STAG1: variants seen among roughly 807,000 people sequenced by gnomAD.
STAG1 encodes STAG1 cohesin complex component, also known as cohesin subunit SA-1.
A neutral mutation model predicts 170.9 loss-of-function variants in STAG1; 26 were observed. The ratio of observed to expected loss-of-function variants is 0.15; its 90% CI spans 0.11 to 0.21. The LOEUF is 0.21. STAG1 is among the 10% of genes least tolerant of loss of function. The pLI, the probability that STAG1 is intolerant of heterozygous loss-of-function variation, is 1.00. For synonymous variants in STAG1, 514 were observed against 497.7 expected, an observed-to-expected ratio of 1.03 and a Z score of -0.44; for missense variants, 964 against 1,509.5, an observed-to-expected ratio of 0.64 and a Z score of 5.99.
chr3:136,522,778 C>G (rs1934751128), intron 6 of STAG1, among the ~76,000 whole-genome samples: 1 of 146,596 alleles, frequency 6.8e-6, no homozygotes, highest in Non-Finnish European at 1.5e-5. Context: ...TCCAAGTGTT[C>G]TCACTGTTCA....
intron 10 of STAG1, among the ~76,000 whole-genome samples, chr3:136,475,438 T>G (rs901978013): frequency 6.6e-6 from 1 of 152,168 alleles, no homozygotes; most frequent in Non-Finnish European, 1.5e-5. Context: ...TGAGTCATCA[T>G]GCCCAGCCAA....
At chr3:136,705,315 A>C (rs1222944163) in intron 1 of STAG1, among the ~76,000 whole-genome samples, 1 of 151,924 alleles carries the variant, frequency 6.6e-6, no homozygotes, top group Non-Finnish European at 1.5e-5. Context: ...ATGGTTTATC[A>C]TAAGAAAATC....
chr3:136,566,332 T>C (rs1181013929), intron 5 of STAG1, among the ~76,000 whole-genome samples: 1 of 152,178 alleles, frequency 6.6e-6, no homozygotes, highest in East Asian at 1.9e-4. Context: ...TATTCTGCAA[T>C]GTGGAAGAGG....
chr3:136,497,222 G>C (rs766237981), intron 9 of STAG1, among the ~76,000 whole-genome samples: 1 of 151,790 alleles, frequency 6.6e-6, no homozygotes, highest in Non-Finnish European at 1.5e-5. Context: ...AGAATACACT[G>C]TAACTCAATC....
chr3:136,576,212 T>C (rs1042668920), intron 4 of STAG1, among the ~76,000 whole-genome samples: 2 of 152,218 alleles, frequency 1.3e-5, no homozygotes, highest in Non-Finnish European at 2.9e-5. Flanking sequence ...ACAGAAACAG[T>C]TGCTTCTGAC....
chr3:136,579,419 G>A (rs529100545), intron 4 of STAG1, among the ~76,000 whole-genome samples: 1 of 151,988 alleles, frequency 6.6e-6, no homozygotes, highest in Non-Finnish European at 1.5e-5. Context: ...GGTCTCATTA[G>A]GCTGCAATCA....
chr3:136,355,313 C>A (rs1402267045), intron 28 of STAG1, among the ~76,000 whole-genome samples: 4 of 125,698 alleles, frequency 3.2e-5, no homozygotes, highest in African/African-American at 1.2e-4. Flanking sequence ...GATTGTGTCA[C>A]TGCACTCCAG....
chr3:136,453,648 A>G (rs1181952616), intron 13 of STAG1, among the ~76,000 whole-genome samples: 3 of 152,018 alleles, frequency 2.0e-5, no homozygotes, highest in Admixed American at 2.0e-4. Flanking sequence ...GCTCTAGGTA[A>G]AAGGGAATCT....
chr3:136,416,844 CTTT>C (rs66573534), intron 21 of STAG1, among the ~76,000 whole-genome samples: 10 of 127,188 alleles, frequency 7.9e-5, no homozygotes, highest in Admixed American at 1.6e-4. Context: ...TCATAATTAA[CTTT>C]TTTTTTTTTT....
At chr3:136,372,942 C>A (rs1246316090) in intron 23 of STAG1, among the ~76,000 whole-genome samples, 2 of 152,106 alleles carry the variant, frequency 1.3e-5, no homozygotes, top group Admixed American at 6.5e-5. Flanking sequence ...CCTCCTTGTA[C>A]CTCTGGTAGA....
At chr3:136,501,665 A>G (rs1458454790) in intron 8 of STAG1, among the ~76,000 whole-genome samples, 26 of 152,196 alleles carry the variant, frequency 1.7e-4, no homozygotes, top group Admixed American at 1.7e-3. Flanking sequence ...TAATTCGTTC[A>G]GTTTGTGGTA....
At chr3:136,489,223 T>G (rs757813743) in intron 9 of STAG1, among the ~76,000 whole-genome samples, 1 of 152,234 alleles carries the variant, frequency 6.6e-6, no homozygotes, top group South Asian at 2.1e-4. Context: ...AAAACTTATC[T>G]AATTATTGAT....
At chr3:136,553,403 C>T (rs1372629441) in intron 5 of STAG1, among the ~76,000 whole-genome samples, 2 of 152,124 alleles carry the variant, frequency 1.3e-5, no homozygotes, top group African/African-American at 2.4e-5. Flanking sequence ...AAAAACAATA[C>T]TCCCTGCCCC....
At chr3:136,599,484 T>C (rs564254539) in intron 4 of STAG1, among the ~76,000 whole-genome samples, 11 of 152,146 alleles carry the variant, frequency 7.2e-5, no homozygotes, top group Non-Finnish European at 1.3e-4. Context: ...TGAGCCGAGA[T>C]TGCGCCACTG....
chr3:136,441,654 G>A (rs771714746), intron 15 of STAG1, among the ~76,000 whole-genome samples: 2 of 152,064 alleles, frequency 1.3e-5, no homozygotes, highest in African/African-American at 2.4e-5. Flanking sequence ...TCACTCTCCC[G>A]GTAATCTGCA....
chr3:136,733,012 C>A (rs964328505), intron 1 of STAG1, among the ~76,000 whole-genome samples: 1 of 151,498 alleles, frequency 6.6e-6, no homozygotes, highest in Non-Finnish European at 1.5e-5. Context: ...ACTTAGATTA[C>A]GATATGTCTT....
chr3:136,733,117 C>A (rs896491786), intron 1 of STAG1, among the ~76,000 whole-genome samples: 9 of 142,550 alleles, frequency 6.3e-5, no homozygotes, highest in African/African-American at 2.1e-4. Context: ...GACAGTCTCA[C>A]TCTGTCACCC....
At chr3:136,632,183 G>C (rs1420321838) in intron 1 of STAG1, among the ~76,000 whole-genome samples, 3 of 152,136 alleles carry the variant, frequency 2.0e-5, no homozygotes, top group African/African-American at 7.2e-5. Flanking sequence ...AAAATGAAAG[G>C]AGTCATACCA....
At chr3:136,672,177 A>G (rs1471771739) in intron 1 of STAG1, among the ~76,000 whole-genome samples, 1 of 152,214 alleles carries the variant, frequency 6.6e-6, no homozygotes, top group Non-Finnish European at 1.5e-5. Flanking sequence ...ATCTGACTAC[A>G]AGAACAGAAA....
Sources: allele counts gnomAD v4.1 joint callset (sites outside exome capture counted in the v4.1 genomes callset), GRCh38; gene constraint gnomAD v4.1.1; transcripts MANE v1.5; gene names NCBI Gene and HGNC (gene_info 2026-07-23, HGNC 2026-07-21).